The following WWOX variants were observed in gnomAD, a reference collection of about 807,000 sequenced individuals.
WWOX encodes the protein WW domain-containing oxidoreductase.
A neutral mutation model predicts 46.2 loss-of-function variants in WWOX; 69 were observed. The observed-to-expected ratio is 1.49, with a 90% CI of 1.23 to 1.82. The LOEUF (loss-of-function observed/expected upper bound fraction) is 1.82, where lower values mean the gene tolerates loss of function less well. WWOX is among the 40% of genes most tolerant of loss of function. The pLI is 0.00. For missense variants in WWOX, 919 were observed against 542.6 expected, an observed-to-expected ratio of 1.69 and a Z score of -6.89; for synonymous variants, 359 against 202.6, an observed-to-expected ratio of 1.77 and a Z score of -6.56.
intron 8 of WWOX, among the ~76,000 whole-genome samples, chr16:79,159,356 T>G (rs2150746854): frequency 6.6e-6 from 1 of 152,326 alleles, no homozygotes; most frequent in South Asian, 2.1e-4. Context: ...TAGCTAAATG[T>G]TCCTGCAAGT....
intron 4 of WWOX, among the ~76,000 whole-genome samples, chr16:78,144,133 A>T (rs1222065051): frequency 1.3e-5 from 2 of 151,932 alleles, no homozygotes; most frequent in Non-Finnish European, 2.9e-5. Context: ...CTTACTACTG[A>T]TTATTGCGTT....
At chr16:79,095,796 C>T (rs143818048) in intron 8 of WWOX, among the ~76,000 whole-genome samples, 1 of 151,710 alleles carries the variant, frequency 6.6e-6, no homozygotes, top group Admixed American at 6.6e-5. Flanking sequence ...CCGACTTCAC[C>T]CTTGCATACT....
At chr16:78,915,547 G>C (rs1265755447) in intron 8 of WWOX, among the ~76,000 whole-genome samples, 2 of 152,118 alleles carry the variant, frequency 1.3e-5, no homozygotes, top group African/African-American at 4.8e-5. Flanking sequence ...CAGGGGACTG[G>C]GCATTTGAAG....
intron 8 of WWOX, among the ~76,000 whole-genome samples, chr16:78,852,697 C>G (rs1372584693): frequency 1.3e-5 from 2 of 151,952 alleles, no homozygotes; most frequent in African/African-American, 4.8e-5. Flanking sequence ...TGCTACACAC[C>G]AATATTAATA....
intron 5 of WWOX, among the ~76,000 whole-genome samples, chr16:78,374,492 A>T (rs968105283): frequency 6.2e-5 from 7 of 113,778 alleles, no homozygotes; most frequent in African/African-American, 1.5e-4. Context: ...TTTTGTGTTT[A>T]TGGTGTTTTG....
intron 8 of WWOX, among the ~76,000 whole-genome samples, chr16:78,671,544 C>T (rs28410404): frequency 0.016 from 2,371 of 152,256 alleles, 57 homozygotes; most frequent in African/African-American, 0.054. Context: ...AACAACCCTG[C>T]CCCTTCTAGT....
At chr16:79,079,523 T>A (rs2048722128) in intron 8 of WWOX, among the ~76,000 whole-genome samples, 1 of 152,334 alleles carries the variant, frequency 6.6e-6, no homozygotes, top group Non-Finnish European at 1.5e-5. Flanking sequence ...TCTTGAACCA[T>A]ATGTTTCCCA....
At chr16:78,788,806 G>C (rs1432678173) in intron 8 of WWOX, among the ~76,000 whole-genome samples, 3 of 152,170 alleles carry the variant, frequency 2.0e-5, no homozygotes, top group Non-Finnish European at 4.4e-5. Flanking sequence ...ATTGGTGTCT[G>C]GGGGTATGGG....
At chr16:79,076,752 G>T (rs1201883109) in intron 8 of WWOX, among the ~76,000 whole-genome samples, 1 of 152,206 alleles carries the variant, frequency 6.6e-6, no homozygotes, top group Non-Finnish European at 1.5e-5. Flanking sequence ...ACATCTTCTT[G>T]CTCAGCTTCC....
chr16:78,882,964 G>A (rs1567624274), intron 8 of WWOX, among the ~76,000 whole-genome samples: 1 of 152,122 alleles, frequency 6.6e-6, no homozygotes, highest in Non-Finnish European at 1.5e-5. Context: ...TGAGGGAGAA[G>A]CCACAGAACT....
intron 1 of WWOX, among the ~76,000 whole-genome samples, chr16:78,104,270 ACT>A (rs1555534025): frequency 2.8e-5 from 4 of 145,154 alleles, no homozygotes. Context: ...ACACACACAC[ACT>A]GGCTGTCCTC....
rs572003102 is a variant in WWOX, at chr16:79,149,579, A to G, written c.1057-62029A>G. Among the ~76,000 whole-genome samples, 5 of 152,332 alleles carry G rather than the reference A, an allele frequency of 3.3e-5. No homozygotes were observed. In the South Asian group the frequency reaches 1.0e-3, roughly 32 times the overall value. ...AGCTCCCTTCCTAGGGACGGTCTCA[A>G]ATGAGTCCCCATCAGCCACCAGGGA... On this transcript the variant is annotated intron_variant, in intron 8 of 8. Coordinates refer to ENST00000566780, the MANE Select transcript of WWOX (RefSeq NM_016373.4).
intron 5 of WWOX, among the ~76,000 whole-genome samples, chr16:78,358,418 G>A (rs2081341114): frequency 6.6e-6 from 1 of 152,182 alleles, no homozygotes; most frequent in African/African-American, 2.4e-5. Flanking sequence ...GGCACTTTGG[G>A]AGGCTGAGGT....
At chr16:78,312,716 T>G (rs894679802) in intron 5 of WWOX, among the ~76,000 whole-genome samples, 4 of 152,202 alleles carry the variant, frequency 2.6e-5, no homozygotes. Flanking sequence ...ACTGTAGGAT[T>G]TCTCTGCATT....
chr16:78,592,199 G>A (rs560039461), intron 8 of WWOX, among the ~76,000 whole-genome samples: 9 of 152,126 alleles, frequency 5.9e-5, no homozygotes, highest in Admixed American at 5.2e-4. Context: ...TTTGCAAAGC[G>A]GATGTGTTTT....
chr16:78,959,889 G>C (rs763346216), intron 8 of WWOX, among the ~76,000 whole-genome samples: 1 of 152,184 alleles, frequency 6.6e-6, no homozygotes, highest in African/African-American at 2.4e-5. Flanking sequence ...ATTGGATAAG[G>C]ATACAGCCTG....
intron 5 of WWOX, among the ~76,000 whole-genome samples, chr16:78,315,064 C>G (rs944702150): frequency 6.6e-6 from 1 of 152,196 alleles, no homozygotes; most frequent in Non-Finnish European, 1.5e-5. Context: ...TATCAATCAT[C>G]TATCATCTAG....
chr16:78,893,060 G>C (rs150801870), intron 8 of WWOX, among the ~76,000 whole-genome samples: 40 of 152,274 alleles, frequency 2.6e-4, no homozygotes, highest in African/African-American at 8.2e-4. Context: ...CGTGAGGTCA[G>C]AGGAGCACTG....
intron 8 of WWOX, chr16:78,825,409 A>G (rs1050301911): frequency 1.2e-5 from 4 of 324,120 alleles, no homozygotes; most frequent in Middle Eastern, 1.2e-3. Context: ...AGTTACACCC[A>G]TCACGACAGT....
Sources: allele counts gnomAD v4.1 joint callset (sites outside exome capture counted in the v4.1 genomes callset), GRCh38; gene constraint gnomAD v4.1.1; transcripts MANE v1.5; gene names NCBI Gene and HGNC (gene_info 2026-07-23, HGNC 2026-07-21).